SIRT3: variants seen among roughly 807,000 people sequenced by gnomAD.
SIRT3 encodes the protein sirtuin 3.
Under a neutral mutation model 33.5 loss-of-function variants are expected in SIRT3, and 26 were observed. The observed-to-expected ratio is 0.78, with a 90% confidence interval of 0.57 to 1.08. The LOEUF (loss-of-function observed/expected upper bound fraction) is 1.08, where lower values mean the gene tolerates loss of function less well. SIRT3 is among the 50% of genes least tolerant of loss of function. The probability of loss-of-function intolerance (pLI) is 0.00; values close to 1 mark genes in which losing one functional copy is unlikely to be tolerated. For synonymous variants in SIRT3, 237 were observed against 222.1 expected, an observed-to-expected ratio of 1.07 and a Z score of -0.60; for missense variants, 585 against 530.1, an observed-to-expected ratio of 1.10 and a Z score of -1.02.
intron 6 of SIRT3, among the ~76,000 whole-genome samples, chr11:218,054 G>GA (rs1855900592): frequency 6.9e-6 from 1 of 144,978 alleles, no homozygotes; most frequent in Non-Finnish European, 1.5e-5. Flanking sequence ...ATGATTGTGA[G>GA]GCCCCCACAG....
At chr11:217,425 G>A (rs1855810000) in intron 6 of SIRT3, among the ~76,000 whole-genome samples, 1 of 152,154 alleles carries the variant, frequency 6.6e-6, no homozygotes, top group South Asian at 2.1e-4. Flanking sequence ...CTCCAGCTTG[G>A]GCAACAAGAG....
intron 3 of SIRT3, among the ~76,000 whole-genome samples, chr11:231,961 G>A (rs1451278730): frequency 5.5e-5 from 6 of 110,056 alleles, no homozygotes; most frequent in African/African-American, 1.9e-4. Context: ...TTAGGTGCAC[G>A]GCCAGAAGTT....
intron 6 of SIRT3, among the ~76,000 whole-genome samples, chr11:217,763 T>G (rs1388261684): frequency 6.6e-6 from 1 of 152,238 alleles, no homozygotes; most frequent in Admixed American, 6.5e-5. Flanking sequence ...GACATCTGCC[T>G]TGGAAGGCAA....
chr11:227,564 G>A (rs1177989619), intron 4 of SIRT3, among the ~76,000 whole-genome samples: 1 of 152,110 alleles, frequency 6.6e-6, no homozygotes, highest in Non-Finnish European at 1.5e-5. Flanking sequence ...TGAAGGAGAA[G>A]AACAAAGGTG....
In SIRT3 at chr11:216,572, G is replaced by T; in HGVS notation, c.*126C>A. 9.7e-7 allele frequency: 1 copy of T among 1,031,470 alleles called. No homozygotes were observed. Among genetic ancestry groups the T allele is most frequent in the Non-Finnish European group, 1.5e-6 (1 of 664,806 alleles). The allele number at this position is 1,031,470 out of a possible 1,614,324, so 63.9% of individuals were successfully genotyped here. ...AGAAGACATTCCAGTGGCAGCCTCG[G>T]GTGTCCACTCAGTTCACATATTCTG... is the stretch of plus-strand genomic sequence containing the variant. On this transcript the variant is annotated 3_prime_UTR_variant, in exon 7 of 7. Transcript: ENST00000382743.
At position 231,305 on chromosome 11, in the gene SIRT3, G is replaced by T. The variant is rs11602248; in HGVS notation, c.707-753C>A. Reference sequence around the variant, plus strand: ...TTTTTAATTAGCCAGGCATGGTAGTGCATGCCCGTAGTCCCAGCTATTCCA... The same window carrying T: ...TTTTTAATTAGCCAGGCATGGTAGTTCATGCCCGTAGTCCCAGCTATTCCA... On this transcript the variant is annotated intron_variant, in intron 3 of 6. Transcript: ENST00000382743. Among the ~76,000 whole-genome samples, 3 of 151,880 alleles carry T rather than the reference G, an allele frequency of 2.0e-5. No homozygotes were observed. The South Asian group carries it at 6.2e-4, about 32-fold the overall frequency.
chr11:235,872 T>C (rs891654506), intron 1 of SIRT3, among the ~76,000 whole-genome samples, 176 bp downstream of exon 1: 4 of 152,082 alleles, frequency 2.6e-5, no homozygotes, highest in Non-Finnish European at 4.4e-5. Flanking sequence ...AATGGTGAAA[T>C]AAACGACAAA....
At chr11:218,772 C>T (rs1486017091) in intron 6 of SIRT3, 60 bp downstream of exon 6, 1 of 1,611,958 alleles carries the variant, frequency 6.2e-7, no homozygotes, top group Admixed American at 1.7e-5. Context: ...ATCAGGTGGA[C>T]CATACCCTAG....
chr11:217,740 C>G (rs1407197637), intron 6 of SIRT3, among the ~76,000 whole-genome samples: 5 of 152,238 alleles, frequency 3.3e-5, no homozygotes, highest in African/African-American at 1.2e-4. Context: ...GAAAAAGGAT[C>G]AGGATTTCCT....
chr11:221,645 C>T (rs530139706), intron 5 of SIRT3, among the ~76,000 whole-genome samples: 3 of 152,336 alleles, frequency 2.0e-5, no homozygotes, highest in East Asian at 1.9e-4. Flanking sequence ...ATTAACATTT[C>T]GTCCACAAAG....
intron 5 of SIRT3, 23 bp downstream of exon 5, chr11:224,055 C>A: frequency 1.2e-6 from 2 of 1,612,160 alleles, no homozygotes; most frequent in Non-Finnish European, 1.7e-6. Context: ...CAGCCTCCTC[C>A]CTGCACAGGC....
chr11:233,126 TTG>T lies in SIRT3; in HGVS notation c.561_562del (p.His187GlnfsTer31). 6.2e-7 allele frequency: 1 copy of T among 1,613,698 alleles called. No homozygotes were observed. Among genetic ancestry groups the T allele is most frequent in the Non-Finnish European group, 8.5e-7 (1 of 1,179,918 alleles). ...GGCCAAAGTGAAAAAGGGCTTGGGG[TTG>T]TGAAAGAAGAATGGGAGTTCAAAAA... On this transcript the variant is annotated frameshift_variant, in exon 3 of 7. Coordinates refer to ENST00000382743, the MANE Select transcript of SIRT3 (RefSeq NM_012239.6). LOFTEE classifies it high-confidence loss of function.
In SIRT3 at chr11:216,475, C is replaced by T. The variant is rs189360563; in HGVS notation, c.*223G>A. 6.0e-4 allele frequency: 333 copies of T among 559,028 alleles called. No homozygotes were observed. The highest frequency in any genetic ancestry group is 9.6e-4 in the Non-Finnish European group (300 of 312,836). 34.6% of individuals were successfully genotyped at this position (559,028 alleles called of 1,614,324 possible). On this transcript the variant is annotated 3_prime_UTR_variant, in exon 7 of 7. Transcript: ENST00000382743. ...TTCAACACAGCAAACAGGCAGGCAG[C>T]TCCTTTGTATATGTGACGGGGTGGC... is the stretch of plus-strand genomic sequence containing the variant.
Position 217,901 on chromosome 11 carries a change from G to A in SIRT3, c.1179+931C>T, listed in dbSNP as rs142194340. Reference sequence around the variant, plus strand: ...CCAAGTGGAAGTAACTGAATCATGGGGGCGGGTCTTTCCCACACTCTTCTT... The same window carrying A: ...CCAAGTGGAAGTAACTGAATCATGGAGGCGGGTCTTTCCCACACTCTTCTT... On this transcript the variant is annotated intron_variant, in intron 6 of 6. Coordinates refer to ENST00000382743, the MANE Select transcript of SIRT3 (RefSeq NM_012239.6). Among the ~76,000 whole-genome samples, 174 of 152,294 alleles carry A rather than the reference G, an allele frequency of 1.1e-3. 1 individual carries two copies. The highest frequency in any genetic ancestry group is 4.1e-3 in the African/African-American group (172 of 41,554).
chr11:236,033 C>T lies in SIRT3; in HGVS notation c.281+15G>A. On this transcript the variant is annotated intron_variant, in intron 1 of 6. Coordinates refer to ENST00000382743, the MANE Select transcript of SIRT3 (RefSeq NM_012239.6). ...CAACGAACACGCAAGAAGTGCTTGT[C>T]CTTGCCCAAAATACCTCGAAAAGAA... 2.7e-6 allele frequency: 4 copies of T among 1,493,246 alleles called. No individual in the cohort carries two copies. The highest frequency in any genetic ancestry group is 3.6e-6 in the Non-Finnish European group (4 of 1,121,802). The allele number at this position is 1,493,246 out of a possible 1,614,324, so 92.5% of individuals were successfully genotyped here.
upstream of SIRT3, chr11:236,432 C>A: frequency 4.0e-6 from 3 of 758,468 alleles, no homozygotes; most frequent in East Asian, 3.4e-4. Context: ...CCCGCCTCCG[C>A]CTACCGCCCC....
At position 233,479 on chromosome 11, in the gene SIRT3, C is replaced by T; in HGVS notation, c.337G>A (p.Gly113Arg). ...SFSVGASSVV[G>R]SGGSSDKGKL... ...CCCTTGTCACTGCTGCCTCCACTTCCAACAACACTTGAAGCACCCACAGAA... is the reference window on the plus strand; with the variant it reads ...CCCTTGTCACTGCTGCCTCCACTTCTAACAACACTTGAAGCACCCACAGAA... Residue 113 changes from glycine to arginine, a missense_variant, in exon 2 of 7, where the codon GGA (glycine) becomes AGA (arginine). Coordinates refer to ENST00000382743, the MANE Select transcript of SIRT3 (RefSeq NM_012239.6). The T allele has an allele frequency of 6.2e-7, 1 of 1,614,102 alleles. No homozygotes were observed. Among genetic ancestry groups the T allele is most frequent in the East Asian group, 2.2e-5 (1 of 44,880 alleles).
chr11:231,959 ACGGC>A (rs778639940), intron 3 of SIRT3, among the ~76,000 whole-genome samples: 22,512 of 151,620 alleles, frequency 0.15, 1,798 homozygotes, highest in South Asian at 0.34. Flanking sequence ...CGTTAGGTGC[ACGGC>A]CAGAAGTTGG....
chr11:235,970 A>C, intron 1 of SIRT3, 78 bp downstream of exon 1: 1 of 1,385,506 alleles, frequency 7.2e-7, no homozygotes, highest in South Asian at 1.6e-5. Flanking sequence ...GCCGCAAAGG[A>C]AACACGGCAA....
Sources: allele counts gnomAD v4.1 joint callset (sites outside exome capture counted in the v4.1 genomes callset), GRCh38; gene constraint gnomAD v4.1.1; transcripts MANE v1.5; gene names NCBI Gene and HGNC (gene_info 2026-07-23, HGNC 2026-07-21).